The following PDE4D variants were observed in gnomAD, a reference collection of about 807,000 sequenced individuals.
PDE4D encodes the protein 3',5'-cyclic-AMP phosphodiesterase 4D.
PDE4D carries 24 observed loss-of-function variants against 87.4 expected under a neutral mutation model. That is an observed-to-expected ratio of 0.27 (90% confidence interval 0.20 to 0.39). The LOEUF is 0.39. PDE4D is among the 10% of genes least tolerant of loss of function. The pLI is 1.00. For missense variants in PDE4D, 714 were observed against 1,041.0 expected, an observed-to-expected ratio of 0.69 and a Z score of 4.32; for synonymous variants, 384 against 383.2, an observed-to-expected ratio of 1.00 and a Z score of -0.02.
intron 1 of PDE4D, among the ~76,000 whole-genome samples, chr5:59,660,485 T>C (rs1184052775): frequency 6.6e-6 from 1 of 152,208 alleles, no homozygotes; most frequent in Non-Finnish European, 1.5e-5. Flanking sequence ...TCTAATTTCT[T>C]CTTTTTGAAA....
intron 5 of PDE4D, among the ~76,000 whole-genome samples, chr5:59,095,896 A>G (rs1769613352): frequency 6.6e-6 from 1 of 152,250 alleles, no homozygotes; most frequent in Admixed American, 6.5e-5. Context: ...TATCTCAGGG[A>G]TTCTCAGCTC....
chr5:59,694,431 T>G (rs2150418739), intron 1 of PDE4D, among the ~76,000 whole-genome samples: 1 of 152,282 alleles, frequency 6.6e-6, no homozygotes, highest in Middle Eastern at 3.4e-3. Flanking sequence ...TTTAATCTTC[T>G]TGGGAAGGCA....
chr5:59,772,951 T>C (rs1561640563), intron 1 of PDE4D, among the ~76,000 whole-genome samples: 1 of 152,134 alleles, frequency 6.6e-6, no homozygotes, highest in South Asian at 2.1e-4. Context: ...ATCTGTGAAA[T>C]AGGACGATAA....
intron 2 of PDE4D, among the ~76,000 whole-genome samples, chr5:60,056,093 C>T (rs1240382278): frequency 1.3e-5 from 2 of 151,928 alleles, no homozygotes; most frequent in African/African-American, 4.8e-5. Flanking sequence ...ACATTAAGTG[C>T]CATATCAAAA....
At chr5:59,003,704 G>A (rs887089335) in intron 6 of PDE4D, among the ~76,000 whole-genome samples, 6 of 152,092 alleles carry the variant, frequency 3.9e-5, no homozygotes, top group African/African-American at 4.8e-5. Flanking sequence ...ACGGATAGAG[G>A]TTGCTATAAG....
chr5:58,983,580 A>G (rs950286677), intron 11 of PDE4D, among the ~76,000 whole-genome samples: 2 of 152,160 alleles, frequency 1.3e-5, no homozygotes, highest in Non-Finnish European at 2.9e-5. Flanking sequence ...GTAGTTAGTT[A>G]TCTTTCTTTG....
chr5:59,721,132 T>TC (rs1755766392), intron 1 of PDE4D, among the ~76,000 whole-genome samples: 1 of 152,226 alleles, frequency 6.6e-6, no homozygotes, highest in South Asian at 2.1e-4. Flanking sequence ...TGTCTATTTT[T>TC]CTCAGTTTAG....
intron 1 of PDE4D, among the ~76,000 whole-genome samples, chr5:60,269,596 A>G (rs11743928): frequency 0.092 from 14,008 of 152,276 alleles, 666 homozygotes; most frequent in African/African-American, 0.11. Flanking sequence ...ATTTTTGGGC[A>G]AGAAAATAGC....
chr5:59,540,332 C>T (rs570775425), intron 1 of PDE4D, among the ~76,000 whole-genome samples: 2 of 151,420 alleles, frequency 1.3e-5, no homozygotes, highest in South Asian at 4.2e-4. Flanking sequence ...AACTTAACAG[C>T]ACAAGTGTAC....
intron 5 of PDE4D, among the ~76,000 whole-genome samples, chr5:59,160,645 C>A (rs143573495): frequency 5.8e-4 from 89 of 152,184 alleles, no homozygotes; most frequent in African/African-American, 2.0e-3. Flanking sequence ...CGCCTGCCCC[C>A]CAAGGTGATT....
intron 1 of PDE4D, among the ~76,000 whole-genome samples, chr5:59,804,414 C>T (rs1484907892): frequency 6.6e-6 from 1 of 152,182 alleles, no homozygotes; most frequent in African/African-American, 2.4e-5. Flanking sequence ...TCTTTATCCA[C>T]TCGTTGGTCG....
At chr5:60,014,519 TAG>T (rs1265738706) in intron 2 of PDE4D, among the ~76,000 whole-genome samples, 2 of 152,178 alleles carry the variant, frequency 1.3e-5, no homozygotes, top group African/African-American at 4.8e-5. Context: ...AAGAATGTGG[TAG>T]TAAGATACCT....
At chr5:59,563,776 A>C (rs1419507729) in intron 1 of PDE4D, among the ~76,000 whole-genome samples, 3 of 152,242 alleles carry the variant, frequency 2.0e-5, no homozygotes, top group African/African-American at 7.2e-5. Context: ...CCTCACAGGG[A>C]GAAAACTGCA....
chr5:59,763,421 C>T (rs1580974853), intron 1 of PDE4D, among the ~76,000 whole-genome samples: 3 of 152,038 alleles, frequency 2.0e-5, no homozygotes, highest in African/African-American at 7.2e-5. Context: ...GATTATAATG[C>T]TAAATTACTT....
intron 1 of PDE4D, among the ~76,000 whole-genome samples, chr5:59,512,632 T>C (rs140411799): frequency 2.0e-5 from 3 of 152,236 alleles, no homozygotes; most frequent in Non-Finnish European, 2.9e-5. Flanking sequence ...AGATGTAGGG[T>C]TCATCTTTAT....
At chr5:59,760,881 G>A (rs1334135720) in intron 1 of PDE4D, among the ~76,000 whole-genome samples, 1 of 152,156 alleles carries the variant, frequency 6.6e-6, no homozygotes, top group South Asian at 2.1e-4. Context: ...TTAGATTGGA[G>A]TGTGATACTG....
intron 1 of PDE4D, among the ~76,000 whole-genome samples, chr5:60,360,419 A>C (rs1039834548): frequency 1.3e-5 from 2 of 152,228 alleles, no homozygotes; most frequent in African/African-American, 4.8e-5. Flanking sequence ...AAGCTAAAGA[A>C]GAATGTGTAA....
chr5:59,366,209 T>C (rs1179511207), intron 1 of PDE4D, among the ~76,000 whole-genome samples: 1 of 151,978 alleles, frequency 6.6e-6, no homozygotes, highest in Non-Finnish European at 1.5e-5. Flanking sequence ...CTCATCTGAA[T>C]ACTATTTAGG....
At chr5:59,951,706 A>C (rs932876944) in intron 3 of PDE4D, among the ~76,000 whole-genome samples, 8 of 152,202 alleles carry the variant, frequency 5.3e-5, no homozygotes, top group Non-Finnish European at 1.2e-4. Context: ...TAGATTTAGT[A>C]GGCCTCTACT....
Sources: gnomAD v4.1 joint callset for allele counts (sites outside exome capture counted in the v4.1 genomes callset) on GRCh38, gnomAD v4.1.1 for gene constraint, MANE v1.5 for transcripts, NCBI Gene and HGNC (gene_info 2026-07-23, HGNC 2026-07-21) for gene names.